KIAA1328: variants seen among roughly 807,000 people sequenced by gnomAD.
KIAA1328 encodes the protein KIAA1328.
In KIAA1328, 52 loss-of-function variants were observed where a neutral mutation model predicts 68.1. The ratio of observed to expected loss-of-function variants is 0.76; its 90% CI spans 0.61 to 0.96. The LOEUF (loss-of-function observed/expected upper bound fraction) is 0.96, where lower values mean the gene tolerates loss of function less well. KIAA1328 is among the 40% of genes least tolerant of loss of function. KIAA1328 has a pLI of 0.00. For synonymous variants in KIAA1328, 232 were observed against 239.4 expected, an observed-to-expected ratio of 0.97 and a Z score of 0.28; for missense variants, 641 against 677.6, an observed-to-expected ratio of 0.95 and a Z score of 0.60.
intron 6 of KIAA1328, among the ~76,000 whole-genome samples, chr18:37,007,186 C>G (rs2053815240): frequency 6.6e-6 from 1 of 152,156 alleles, no homozygotes; most frequent in Non-Finnish European, 1.5e-5. Context: ...CATCAAGCTC[C>G]TTTGAGTAAA....
rs185317698 is a variant in KIAA1328, at chr18:37,059,459, T to C, written c.577-7431T>C. ...AAAAAAGCTCATCATTACTGGTCAT[T>C]AGAGAAATGCAAATCAAAACCACAA... On this transcript the variant is annotated intron_variant, in intron 6 of 9. Coordinates refer to ENST00000280020, the MANE Select transcript of KIAA1328 (RefSeq NM_020776.3). Among the ~76,000 whole-genome samples the C allele has an allele frequency of 2.5e-3, 386 of 152,222 alleles. 3 individuals are homozygous for C. The highest frequency in any genetic ancestry group is 3.4e-3 in the Middle Eastern group (1 of 294).
chr18:36,970,433 G>T (rs974105230), intron 6 of KIAA1328, among the ~76,000 whole-genome samples: 2 of 152,148 alleles, frequency 1.3e-5, no homozygotes, highest in East Asian at 3.8e-4. Context: ...CTTACTCAAC[G>T]TAGTATTGGA....
chr18:37,178,507 T>C (rs2059637786), intron 9 of KIAA1328, among the ~76,000 whole-genome samples: 5 of 152,212 alleles, frequency 3.3e-5, no homozygotes, highest in Admixed American at 2.6e-4. Context: ...CTTAGGTTGA[T>C]TCCATATCTT....
At chr18:36,897,632 T>TC (rs2048906834) in intron 5 of KIAA1328, among the ~76,000 whole-genome samples, 1 of 151,902 alleles carries the variant, frequency 6.6e-6, no homozygotes, top group African/African-American at 2.4e-5. Context: ...TATTAGTGAG[T>TC]TCAGAGAAAA....
chr18:37,036,915 G>A (rs2055048984), intron 6 of KIAA1328, among the ~76,000 whole-genome samples: 1 of 152,108 alleles, frequency 6.6e-6, no homozygotes, highest in African/African-American at 2.4e-5. Context: ...TATGACATCA[G>A]CCAAAATATG....
chr18:36,977,943 C>A (rs4799897), intron 6 of KIAA1328, among the ~76,000 whole-genome samples: 111,168 of 151,754 alleles, frequency 0.73, 43,860 homozygotes, highest in South Asian at 0.89. Flanking sequence ...GCCACCCTCC[C>A]TGGCTAATTT....
At chr18:36,831,468 T>G (rs951148459) in intron 1 of KIAA1328, among the ~76,000 whole-genome samples, 4 of 152,248 alleles carry the variant, frequency 2.6e-5, no homozygotes, top group African/African-American at 9.6e-5. Context: ...CTCCTTCAGT[T>G]TAAGTTGCCT....
At chr18:37,207,323 C>T (rs2060234601) in intron 9 of KIAA1328, among the ~76,000 whole-genome samples, 1 of 152,130 alleles carries the variant, frequency 6.6e-6, no homozygotes, top group Non-Finnish European at 1.5e-5. Context: ...AGCTTATGAC[C>T]ACCCCTGGTT....
intron 7 of KIAA1328, among the ~76,000 whole-genome samples, chr18:37,071,275 T>C (rs1223009017): frequency 6.6e-6 from 1 of 151,552 alleles, no homozygotes; most frequent in African/African-American, 2.4e-5. Flanking sequence ...GTTTTGCCAT[T>C]TTTCCCAGGC....
At chr18:36,977,882 C>A (rs1598875973) in intron 6 of KIAA1328, among the ~76,000 whole-genome samples, 1 of 152,102 alleles carries the variant, frequency 6.6e-6, no homozygotes, top group East Asian at 1.9e-4. Context: ...CTTCCAGGTT[C>A]AAGAGATTCT....
chr18:37,215,393 T>A (rs935968263), intron 9 of KIAA1328, among the ~76,000 whole-genome samples: 4 of 152,236 alleles, frequency 2.6e-5, no homozygotes, highest in African/African-American at 9.6e-5. Context: ...ATTGTCTGCA[T>A]CTATTGAGAT....
At chr18:37,108,959 T>A (rs183963859) in intron 7 of KIAA1328, among the ~76,000 whole-genome samples, 11 of 128,978 alleles carry the variant, frequency 8.5e-5, no homozygotes, top group Admixed American at 1.7e-4. Flanking sequence ...CCCTGGCGTG[T>A]GATGTTCCCC....
At chr18:37,228,806 C>G (rs775615263), downstream of KIAA1328, among the ~76,000 whole-genome samples, 3 of 149,130 alleles carry the variant, frequency 2.0e-5, no homozygotes, top group Admixed American at 2.0e-4. Flanking sequence ...GGAGACAGAG[C>G]AAGATTCCAT....
rs1252397657 is a variant in KIAA1328 at position 37,222,017 on chromosome 18, G to A, written c.1524G>A (p.Arg508=). The change falls in exon 10 of 10, where the codon CGG becomes CGA. Residue 508 remains arginine, a splice_region_variant and synonymous_variant. Transcript: ENST00000280020. ...CCTGTCTGGGTTATATGTCTTACAGGTATGAGACATCTTTGTTGGATTTGG... is the reference window on the plus strand; with the variant it reads ...CCTGTCTGGGTTATATGTCTTACAGATATGAGACATCTTTGTTGGATTTGG... The part of the protein sequence containing the change: ...ASPSLQHTTS[R]YETSLLDLVQ... 3 of 1,612,668 alleles carry A rather than the reference G, an allele frequency of 1.9e-6. No individual in the cohort carries two copies. Among genetic ancestry groups the A allele is most frequent in the Non-Finnish European group, 2.5e-6 (3 of 1,179,146 alleles).
chr18:37,190,935 A>T (rs1255929936), intron 9 of KIAA1328, among the ~76,000 whole-genome samples: 1 of 152,112 alleles, frequency 6.6e-6, no homozygotes, highest in Non-Finnish European at 1.5e-5. Flanking sequence ...TCAAAGTGGG[A>T]TAGATAGTGA....
intron 7 of KIAA1328, among the ~76,000 whole-genome samples, chr18:37,155,106 T>C (rs1366146829): frequency 6.6e-6 from 1 of 152,190 alleles, no homozygotes; most frequent in African/African-American, 2.4e-5. Flanking sequence ...AAAATCTTTT[T>C]CTTTTCATTT....
chr18:37,148,861 G>A (rs375147946), intron 7 of KIAA1328, among the ~76,000 whole-genome samples: 2 of 152,070 alleles, frequency 1.3e-5, no homozygotes, highest in Non-Finnish European at 2.9e-5. Context: ...GTAAATTGTG[G>A]ATATTAGACC....
At chr18:37,174,815 G>C (rs748638906) in intron 9 of KIAA1328, among the ~76,000 whole-genome samples, 2 of 151,878 alleles carry the variant, frequency 1.3e-5, no homozygotes, top group Non-Finnish European at 2.9e-5. Context: ...GGATGGTCTT[G>C]ATCTCCTGAC....
At chr18:36,878,212 A>C (rs985741705) in intron 4 of KIAA1328, among the ~76,000 whole-genome samples, 2 of 152,140 alleles carry the variant, frequency 1.3e-5, no homozygotes, top group Admixed American at 1.3e-4. Flanking sequence ...CTTGTAAGGC[A>C]GGCCTGGTGG....
Sources: allele counts gnomAD v4.1 joint callset (sites outside exome capture counted in the v4.1 genomes callset), GRCh38; gene constraint gnomAD v4.1.1; transcripts MANE v1.5; gene names NCBI Gene and HGNC (gene_info 2026-07-23, HGNC 2026-07-21).